The following PIAS1 variants were observed in gnomAD, a reference collection of about 807,000 sequenced individuals.
PIAS1 encodes protein inhibitor of activated STAT 1.
PIAS1 carries 6 observed loss-of-function variants against 71.3 expected under a neutral mutation model. The ratio of observed to expected loss-of-function variants is 0.08; its 90% CI spans 0.05 to 0.17. PIAS1 has a LOEUF of 0.17. PIAS1 is among the 10% of genes least tolerant of loss of function. The probability of loss-of-function intolerance (pLI) is 1.00; values close to 1 mark genes in which losing one functional copy is unlikely to be tolerated. For missense variants in PIAS1, 555 were observed against 793.6 expected, an observed-to-expected ratio of 0.70 and a Z score of 3.61; for synonymous variants, 303 against 292.9, an observed-to-expected ratio of 1.03 and a Z score of -0.35.
chr15:68,151,556 A>G (rs2092843813), intron 6 of PIAS1, among the ~76,000 whole-genome samples: 1 of 151,984 alleles, frequency 6.6e-6, no homozygotes, highest in Non-Finnish European at 1.5e-5. Context: ...CTGGTGACTC[A>G]TGCCTGTAAT....
chr15:68,111,629 A>T (rs538820106), intron 2 of PIAS1, among the ~76,000 whole-genome samples: 1 of 152,108 alleles, frequency 6.6e-6, no homozygotes. Flanking sequence ...ATAGTATCAG[A>T]GGAAAGTACA....
At chr15:68,147,462 T>G (rs2092816131) in intron 6 of PIAS1, among the ~76,000 whole-genome samples, 1 of 152,152 alleles carries the variant, frequency 6.6e-6, no homozygotes, top group African/African-American at 2.4e-5. Flanking sequence ...AAAACTTAAC[T>G]CTGTTTCATG....
chr15:68,063,922 T>TG (rs2091988246), intron 1 of PIAS1, among the ~76,000 whole-genome samples: 1 of 139,652 alleles, frequency 7.2e-6, no homozygotes, highest in Non-Finnish European at 1.6e-5. Flanking sequence ...AAAAAAAAAA[T>TG]GCCAGTTAAA....
At position 68,146,672 on chromosome 15, in the gene PIAS1, T is replaced by A; in HGVS notation, c.800T>A (p.Val267Asp). The change falls in exon 6 of 14, where the codon GTT becomes GAT. Residue 267 changes from valine (V) to aspartate (D), a missense_variant. Coordinates refer to ENST00000249636, the MANE Select transcript of PIAS1 (RefSeq NM_016166.3). ...RLSTTVPNTI[V>D]VSWTAEIGRN... ...TCCACAACAGTACCAAACACGATTG[T>A]TGTTTCTTGGACTGCAGAAATTGGA... The A allele has an allele frequency of 1.2e-6, 2 of 1,612,644 alleles. No individual in the cohort carries two copies.
intron 2 of PIAS1, among the ~76,000 whole-genome samples, chr15:68,104,028 G>A (rs550314131): frequency 1.2e-4 from 19 of 152,154 alleles, no homozygotes; most frequent in Non-Finnish European, 2.1e-4. Context: ...TTCTAAAGCA[G>A]CTGTACCATT....
chr15:68,176,771 A>C, intron 11 of PIAS1, 117 bp downstream of exon 11: 1 of 769,206 alleles, frequency 1.3e-6, no homozygotes, highest in Non-Finnish European at 2.0e-6. Context: ...TAGCAATCAA[A>C]GAATAGTTTG....
intron 8 of PIAS1, among the ~76,000 whole-genome samples, chr15:68,169,536 G>T (rs2092977848): frequency 6.6e-6 from 1 of 152,206 alleles, no homozygotes; most frequent in Non-Finnish European, 1.5e-5. Flanking sequence ...AGCCAGGCAT[G>T]GTGGCACCTG....
At chr15:68,152,899 CTTTT>C (rs71287005) in intron 6 of PIAS1, among the ~76,000 whole-genome samples, 2 of 121,952 alleles carry the variant, frequency 1.6e-5, no homozygotes, top group African/African-American at 3.1e-5. Flanking sequence ...TTTGGCTTTT[CTTTT>C]TTTTTTTTTT....
In PIAS1 at chr15:68,187,606, A is replaced by G. The variant is rs757509151; in HGVS notation, c.1727A>G (p.His576Arg). 6 of 1,613,060 alleles carry G rather than the reference A, an allele frequency of 3.7e-6. No individual in the cohort carries two copies. The African/African-American group carries it at 4.0e-5, about 11-fold the overall frequency. ...AAVSDDQDLL[H>R]SSRFFPYTSS... ...GTTTCAGATGATCAAGACCTCCTACACTCGTCTCGGTTTTTCCCGTATACC... is the reference window on the plus strand; with the variant it reads ...GTTTCAGATGATCAAGACCTCCTACGCTCGTCTCGGTTTTTCCCGTATACC... The change falls in exon 14 of 14, where the codon CAC becomes CGC. Residue 576 changes from histidine (H) to arginine (R), a missense_variant. His to Arg is a conservative substitution (Grantham distance 29). Transcript: ENST00000249636. The surrounding 1 kb of genome is among the most constrained non-coding windows in gnomAD (Gnocchi z 5.3).
intron 8 of PIAS1, among the ~76,000 whole-genome samples, chr15:68,165,414 C>G (rs1250350172): frequency 6.6e-6 from 1 of 152,196 alleles, no homozygotes; most frequent in East Asian, 1.9e-4. Flanking sequence ...ACCCACCGCA[C>G]CTGGCCAAAA....
chr15:68,060,252 G>GT (rs919000651), intron 1 of PIAS1, among the ~76,000 whole-genome samples: 60 of 151,900 alleles, frequency 3.9e-4, no homozygotes, highest in Non-Finnish European at 6.2e-4. Context: ...ATGCTTATCA[G>GT]TTTTTTTTGT....
chr15:68,121,935 C>G (rs2092616929), intron 2 of PIAS1, among the ~76,000 whole-genome samples: 1 of 152,082 alleles, frequency 6.6e-6, no homozygotes, highest in Admixed American at 6.6e-5. Context: ...TGAGACCAGC[C>G]TGGGTGATAT....
Position 68,054,404 on chromosome 15 carries a change from T to C in PIAS1, c.24+54T>C, listed in dbSNP as rs917826017. The C allele has an allele frequency of 6.5e-7, 1 of 1,540,174 alleles. No homozygotes were observed. The highest frequency in any genetic ancestry group is 8.8e-7 in the Non-Finnish European group (1 of 1,137,930). ...TATTCGGCCGCGGAGACGGCGCCGC[T>C]GCTGCCAGGGGGGATGGGTCCGACC... On this transcript the variant is annotated intron_variant, in intron 1 of 13. Transcript: ENST00000249636. This position sits in a 1 kb window ranked among gnomAD's most constrained non-coding sequence, Gnocchi z 4.6.
chr15:68,067,976 A>G (rs749897339), intron 1 of PIAS1, among the ~76,000 whole-genome samples: 2 of 152,232 alleles, frequency 1.3e-5, no homozygotes, highest in Non-Finnish European at 2.9e-5. Context: ...CATTGCATCT[A>G]ATATTTTATA....
At chr15:68,158,061 T>C (rs1277087029) in intron 7 of PIAS1, among the ~76,000 whole-genome samples, 3 of 152,220 alleles carry the variant, frequency 2.0e-5, no homozygotes, top group Non-Finnish European at 4.4e-5. Flanking sequence ...CTAAGTGATT[T>C]ATACAGATCT....
chr15:68,056,312 A>C (rs1315072633), intron 1 of PIAS1, among the ~76,000 whole-genome samples: 1 of 152,168 alleles, frequency 6.6e-6, no homozygotes, highest in Non-Finnish European at 1.5e-5. Flanking sequence ...ATGCTGAGAG[A>C]TTTCCTTCTT....
intron 2 of PIAS1, among the ~76,000 whole-genome samples, chr15:68,120,578 T>C (rs547851783): frequency 2.0e-5 from 3 of 152,308 alleles, no homozygotes; most frequent in Non-Finnish European, 4.4e-5. Flanking sequence ...ATTTTACCAC[T>C]TTACAACAGT....
intron 1 of PIAS1, among the ~76,000 whole-genome samples, chr15:68,082,431 G>GT (rs994038968): frequency 6.6e-6 from 1 of 152,140 alleles, no homozygotes; most frequent in African/African-American, 2.4e-5. Flanking sequence ...TTTACCTGAT[G>GT]TATTTGAATA....
rs1234536121 is a variant in PIAS1, at chr15:68,054,537, G to C, written c.24+187G>C. 7 of 532,792 alleles carry C rather than the reference G, an allele frequency of 1.3e-5. No individual in the cohort carries two copies. Among genetic ancestry groups the C allele is most frequent in the Non-Finnish European group, 6.5e-6 (2 of 307,138 alleles). The allele number at this position is 532,792 out of a possible 1,614,324, so 33.0% of individuals were successfully genotyped here. A position where few individuals can be genotyped will look rare whatever the true frequency, so the allele number is the denominator to read the frequency against. On this transcript the variant is annotated intron_variant, in intron 1 of 13. Transcript: ENST00000249636. The surrounding 1 kb of genome is among the most constrained non-coding windows in gnomAD (Gnocchi z 4.6). ...GCCTGCGGCGGGCCGCGGGCCCCGG[G>C]TGCCTCGGGGGCGCTGACGGGTCGT...
Sources: gnomAD v4.1 joint callset for allele counts (sites outside exome capture counted in the v4.1 genomes callset) on GRCh38, gnomAD v4.1.1 for gene constraint, Gnocchi (gnomAD v3.1) non-coding constraint, MANE v1.5 for transcripts, NCBI Gene and HGNC (gene_info 2026-07-23, HGNC 2026-07-21) for gene names.